The following TLL1 variants were observed in gnomAD, a reference collection of about 807,000 sequenced individuals.
The protein encoded by TLL1 is tolloid like 1.
In TLL1, 49 loss-of-function variants were observed where a neutral mutation model predicts 128.2. The observed-to-expected ratio is 0.38, with a 90% CI of 0.30 to 0.48. The LOEUF (loss-of-function observed/expected upper bound fraction) is 0.48. Among genes scored for constraint, TLL1 ranks in the 20% least tolerant of loss-of-function variants. The probability of loss-of-function intolerance (pLI) is 0.96; values close to 1 mark genes in which losing one functional copy is unlikely to be tolerated. For synonymous variants in TLL1, 454 were observed against 418.8 expected, an observed-to-expected ratio of 1.08 and a Z score of -1.03; for missense variants, 1,123 against 1,242.0, an observed-to-expected ratio of 0.90 and a Z score of 1.44.
chr4:166,059,740 AT>A (rs1035717310), intron 14 of TLL1, among the ~76,000 whole-genome samples: 47 of 152,174 alleles, frequency 3.1e-4, no homozygotes, highest in African/African-American at 1.1e-3. Flanking sequence ...TGAGACCTAG[AT>A]TTTTAATTTT....
chr4:166,033,639 T>C (rs909803932), intron 9 of TLL1, among the ~76,000 whole-genome samples: 1 of 152,202 alleles, frequency 6.6e-6, no homozygotes, highest in African/African-American at 2.4e-5. Context: ...AACTTTTACA[T>C]TGTGCACACA....
chr4:166,060,541 T>C (rs1740261656), intron 15 of TLL1, among the ~76,000 whole-genome samples: 1 of 152,150 alleles, frequency 6.6e-6, no homozygotes, highest in Non-Finnish European at 1.5e-5. Flanking sequence ...ATAACAAAAA[T>C]ATCATTTGGA....
intron 1 of TLL1, among the ~76,000 whole-genome samples, chr4:165,880,268 G>T (rs1034150694): frequency 2.0e-5 from 3 of 152,182 alleles, no homozygotes; most frequent in Non-Finnish European, 4.4e-5. Flanking sequence ...CTTATAGAAT[G>T]TGTGCTAATC....
chr4:165,938,898 A>G (rs745766477), intron 1 of TLL1, among the ~76,000 whole-genome samples: 9 of 151,504 alleles, frequency 5.9e-5, no homozygotes, highest in Admixed American at 2.6e-4. Context: ...TTAAACATCT[A>G]TTCTTGCTTC....
intron 1 of TLL1, among the ~76,000 whole-genome samples, chr4:165,963,772 T>C (rs922891808): frequency 6.6e-6 from 1 of 151,870 alleles, no homozygotes; most frequent in Non-Finnish European, 1.5e-5. Context: ...GTTTCCACAG[T>C]GACAGTGCTC....
chr4:165,968,929 G>T (rs952558929), intron 1 of TLL1, among the ~76,000 whole-genome samples: 1 of 152,084 alleles, frequency 6.6e-6, no homozygotes, highest in African/African-American at 2.4e-5. Context: ...GTGGTGAAAA[G>T]AAAGAATGTA....
intron 1 of TLL1, among the ~76,000 whole-genome samples, chr4:165,964,281 G>A (rs1272164982): frequency 6.6e-6 from 1 of 152,156 alleles, no homozygotes; most frequent in Non-Finnish European, 1.5e-5. Context: ...TTAATAGGCT[G>A]TTGTGTAAAA....
At chr4:165,959,943 G>T (rs1177840344) in intron 1 of TLL1, among the ~76,000 whole-genome samples, 2 of 151,314 alleles carry the variant, frequency 1.3e-5, no homozygotes, top group Non-Finnish European at 2.9e-5. Context: ...AAAGAAACAA[G>T]AACAAACTAA....
chr4:166,089,948 G>T (rs117123898), intron 18 of TLL1, among the ~76,000 whole-genome samples: 2 of 152,058 alleles, frequency 1.3e-5, no homozygotes, highest in East Asian at 3.9e-4. Flanking sequence ...AAGTGATAGT[G>T]GGTGATGTAG....
At chr4:165,996,833 TAATA>T (rs1404910767) in intron 5 of TLL1, among the ~76,000 whole-genome samples, 1 of 149,790 alleles carries the variant, frequency 6.7e-6, no homozygotes, top group Non-Finnish European at 1.5e-5. Context: ...TAGTATTAAT[TAATA>T]TATACATCTA....
intron 18 of TLL1, among the ~76,000 whole-genome samples, chr4:166,085,388 G>A (rs754103361): frequency 4.0e-5 from 6 of 151,176 alleles, no homozygotes; most frequent in South Asian, 4.2e-4. Flanking sequence ...AGCTTTTCTC[G>A]GTTGACTATA....
chr4:165,904,007 C>T (rs750298297), intron 1 of TLL1, among the ~76,000 whole-genome samples: 13 of 151,936 alleles, frequency 8.6e-5, no homozygotes, highest in Non-Finnish European at 1.2e-4. Context: ...GTTTAACAAA[C>T]GCTAGTTTCT....
rs568002071 is a variant in TLL1 at position 165,957,744 on chromosome 4, G to C, written c.170-31637G>C. 4.7e-5 allele frequency among the ~76,000 whole-genome samples: 7 copies of C among 150,196 alleles called. No individual in the cohort carries two copies. In the South Asian group the frequency reaches 1.5e-3, roughly 32 times the overall value. Reference sequence around the variant, plus strand: ...ATTATTATTATACTTTAAGTTTTAGGGTACATGTGCACAATGTGCCAGTTA... The same window carrying C: ...ATTATTATTATACTTTAAGTTTTAGCGTACATGTGCACAATGTGCCAGTTA... On this transcript the variant is annotated intron_variant, in intron 1 of 20. Transcript: ENST00000061240.
At chr4:165,896,406 T>C (rs1160725997) in intron 1 of TLL1, among the ~76,000 whole-genome samples, 1 of 152,028 alleles carries the variant, frequency 6.6e-6, no homozygotes, top group Non-Finnish European at 1.5e-5. Context: ...TGTGCATGTG[T>C]CTTTATAGTA....
intron 1 of TLL1, among the ~76,000 whole-genome samples, chr4:165,920,246 T>A (rs887970262): frequency 6.6e-6 from 1 of 152,188 alleles, no homozygotes; most frequent in African/African-American, 2.4e-5. Flanking sequence ...AAGTCTAATT[T>A]AAAAATTACT....
At chr4:166,085,851 T>G (rs1404823799) in intron 18 of TLL1, among the ~76,000 whole-genome samples, 1 of 152,162 alleles carries the variant, frequency 6.6e-6, no homozygotes, top group Non-Finnish European at 1.5e-5. Context: ...CTGAAGACAA[T>G]TTTATGAGAC....
At chr4:166,064,838 C>A (rs1740498277) in intron 15 of TLL1, among the ~76,000 whole-genome samples, 1 of 152,026 alleles carries the variant, frequency 6.6e-6, no homozygotes, top group Admixed American at 6.6e-5. Flanking sequence ...TATTTAGTAG[C>A]AGAAGAACCA....
intron 15 of TLL1, among the ~76,000 whole-genome samples, chr4:166,063,656 C>T (rs1263112461): frequency 6.6e-6 from 1 of 152,130 alleles, no homozygotes; most frequent in Non-Finnish European, 1.5e-5. Context: ...GAATACTATG[C>T]AGCCATAAAA....
At chr4:165,972,650 T>C (rs1200588417) in intron 1 of TLL1, among the ~76,000 whole-genome samples, 1 of 152,158 alleles carries the variant, frequency 6.6e-6, no homozygotes, top group Non-Finnish European at 1.5e-5. Flanking sequence ...CTCATAACTC[T>C]CTAAGGGTCA....
Sources: allele counts gnomAD v4.1 joint callset (sites outside exome capture counted in the v4.1 genomes callset), GRCh38; gene constraint gnomAD v4.1.1; transcripts MANE v1.5; gene names NCBI Gene and HGNC (gene_info 2026-07-23, HGNC 2026-07-21).